Variants in SND1 observed in about 807,000 individuals in gnomAD.
SND1 encodes the protein staphylococcal nuclease and tudor domain containing 1.
Under a neutral mutation model 121.7 loss-of-function variants are expected in SND1, and 38 were observed. The ratio of observed to expected loss-of-function variants is 0.31; its 90% CI spans 0.24 to 0.41. The LOEUF (loss-of-function observed/expected upper bound fraction) is 0.41, where lower values mean the gene tolerates loss of function less well. SND1 is among the 10% of genes least tolerant of loss of function. The pLI is 1.00. For missense variants in SND1, 868 were observed against 1,184.6 expected (o/e 0.73, Z 3.92); for synonymous variants, 401 against 447.4 (o/e 0.90, Z 1.31).
chr7:127,769,930 A>G (rs1033675222), intron 10 of SND1, among the ~76,000 whole-genome samples: 6 of 152,208 alleles, frequency 3.9e-5, no homozygotes, highest in African/African-American at 1.2e-4. Context: ...AAGGATATTT[A>G]TGAGTCAGGG....
At chr7:127,721,631 G>A (rs1382571194) in intron 10 of SND1, among the ~76,000 whole-genome samples, 1 of 152,116 alleles carries the variant, frequency 6.6e-6, no homozygotes, top group South Asian at 2.1e-4. Context: ...GGGCACTGTT[G>A]GCACTTCTCC....
intron 10 of SND1, among the ~76,000 whole-genome samples, chr7:127,786,713 G>A (rs1797819368): frequency 6.6e-6 from 1 of 152,058 alleles, no homozygotes; most frequent in South Asian, 2.1e-4. Context: ...GCGCGATCTC[G>A]ACTCACTGCT....
At position 127,960,388 on chromosome 7, in the gene SND1, C is replaced by A. The variant is rs1357064412; in HGVS notation, c.1670-30559C>A. On this transcript the variant is annotated intron_variant, in intron 15 of 23. Transcript: ENST00000354725. ...GCTATTGCCACAACCAAAAATGACA[C>A]CCAGCCCACACAAAACGTACACATT... Among the ~76,000 whole-genome samples the A allele has an allele frequency of 2.0e-5, 3 of 152,176 alleles. No individual in the cohort carries two copies. The East Asian group carries it at 5.8e-4, about 29-fold the overall frequency.
At chr7:127,689,542 A>T (rs1357818073) in intron 2 of SND1, among the ~76,000 whole-genome samples, 1 of 152,248 alleles carries the variant, frequency 6.6e-6, no homozygotes, top group Non-Finnish European at 1.5e-5. Flanking sequence ...CTAAAATATC[A>T]TAACTGTATC....
intron 12 of SND1, among the ~76,000 whole-genome samples, chr7:127,882,662 G>GA (rs150373585): frequency 0.22 from 34,000 of 152,050 alleles, 4,261 homozygotes; most frequent in Middle Eastern, 0.33. Flanking sequence ...CTAGATCCAT[G>GA]TACTTGACTG....
At chr7:127,765,265 A>G (rs1797390809) in intron 10 of SND1, among the ~76,000 whole-genome samples, 1 of 152,190 alleles carries the variant, frequency 6.6e-6, no homozygotes, top group Non-Finnish European at 1.5e-5. Context: ...TTCATTTAAC[A>G]GTCAACCATT....
In SND1 at chr7:128,029,640, T is replaced by C. The variant is rs149730489; in HGVS notation, c.1779+38584T>C. The C allele has an allele frequency of 6.2e-7, 1 of 1,613,818 alleles. No individual in the cohort carries two copies. The highest frequency in any genetic ancestry group is 1.3e-5 in the African/African-American group (1 of 74,892). On this transcript the variant is annotated intron_variant, in intron 16 of 23. Transcript: ENST00000354725. This position sits in a 1 kb window ranked among gnomAD's most constrained non-coding sequence, Gnocchi z 4.2. ...CTCCACGAGGTAGCGGCCTCGCATG[T>C]GCATGGGAGCATGACAGCGGCCACA...
chr7:127,791,735 A>G (rs975819510), intron 10 of SND1, among the ~76,000 whole-genome samples: 8 of 152,234 alleles, frequency 5.3e-5, no homozygotes, highest in African/African-American at 1.9e-4. Context: ...AAAATATGTG[A>G]TAACAAATCT....
chr7:127,832,289 G>T (rs1000707984), intron 11 of SND1, among the ~76,000 whole-genome samples: 1 of 152,158 alleles, frequency 6.6e-6, no homozygotes, highest in African/African-American at 2.4e-5. Flanking sequence ...GGAACTGCTG[G>T]GTTAAAGGAC....
At chr7:127,777,804 AT>A (rs1431652742) in intron 10 of SND1, among the ~76,000 whole-genome samples, 1 of 152,138 alleles carries the variant, frequency 6.6e-6, no homozygotes, top group African/African-American at 2.4e-5. Context: ...AGCCTCTTGA[AT>A]AGCTGGAATT....
intron 2 of SND1, among the ~76,000 whole-genome samples, chr7:127,688,569 A>G (rs1795858671): frequency 6.6e-6 from 1 of 151,460 alleles, no homozygotes; most frequent in African/African-American, 2.4e-5. Context: ...AAAAAAAGAA[A>G]AAATTAGCCA....
intron 16 of SND1, among the ~76,000 whole-genome samples, chr7:128,013,310 A>T (rs1803154987): frequency 1.3e-5 from 2 of 152,192 alleles, no homozygotes; most frequent in Non-Finnish European, 2.9e-5. Context: ...CCAAGTGCTG[A>T]GTGCCTTGAG....
At chr7:127,983,208 TA>T (rs1802307058) in intron 15 of SND1, among the ~76,000 whole-genome samples, 1 of 152,172 alleles carries the variant, frequency 6.6e-6, no homozygotes, top group Admixed American at 6.5e-5. Flanking sequence ...GAAATGGAAC[TA>T]ATTGAGTCTA....
intron 13 of SND1, among the ~76,000 whole-genome samples, chr7:127,892,289 G>A (rs1052786695): frequency 1.3e-5 from 2 of 152,056 alleles, no homozygotes; most frequent in African/African-American, 4.8e-5. Flanking sequence ...ATCATTTCAT[G>A]GGCGCTCAGG....
intron 11 of SND1, 112 bp from the exon 12 acceptor site, chr7:127,844,212 A>C (rs556350544): frequency 7.6e-6 from 5 of 656,862 alleles, no homozygotes; most frequent in Non-Finnish European, 1.2e-5. Flanking sequence ...TCTTAGATTC[A>C]GAAAACCAAA....
At chr7:127,985,030 G>C (rs1340168373) in intron 15 of SND1, among the ~76,000 whole-genome samples, 1 of 152,192 alleles carries the variant, frequency 6.6e-6, no homozygotes, top group Non-Finnish European at 1.5e-5. Context: ...TATTTGAATA[G>C]AGCTGTTTTT....
intron 15 of SND1, among the ~76,000 whole-genome samples, chr7:127,935,653 T>C (rs1047822652): frequency 6.6e-6 from 1 of 152,214 alleles, no homozygotes; most frequent in Non-Finnish European, 1.5e-5. Context: ...TAAAACTACC[T>C]ACAAAGCTGA....
intron 15 of SND1, among the ~76,000 whole-genome samples, chr7:127,973,154 T>C (rs1441588682): frequency 6.6e-6 from 1 of 152,118 alleles, no homozygotes; most frequent in African/African-American, 2.4e-5. Flanking sequence ...GGTGCTTTGA[T>C]AGTAGAGCAT....
At chr7:127,893,161 A>G (rs1010637958) in intron 13 of SND1, among the ~76,000 whole-genome samples, 3 of 151,992 alleles carry the variant, frequency 2.0e-5, no homozygotes, top group African/African-American at 7.2e-5. Context: ...AAAATCTTTC[A>G]TATGCTCTAT....
Sources: allele counts gnomAD v4.1 joint callset (sites outside exome capture counted in the v4.1 genomes callset), GRCh38; gene constraint gnomAD v4.1.1; non-coding constraint Gnocchi (gnomAD v3.1); transcripts MANE v1.5; gene names NCBI Gene and HGNC (gene_info 2026-07-23, HGNC 2026-07-21).